CNTN5: variants seen among roughly 807,000 people sequenced by gnomAD.
CNTN5 encodes contactin 5, also known as contactin-5.
A neutral mutation model predicts 129.1 loss-of-function variants in CNTN5; 77 were observed. The observed-to-expected ratio is 0.60, with a 90% CI of 0.50 to 0.72. The LOEUF (loss-of-function observed/expected upper bound fraction) is 0.72, where lower values mean the gene tolerates loss of function less well. Among genes scored for constraint, CNTN5 ranks in the 30% least tolerant of loss-of-function variants. The pLI, the probability that CNTN5 is intolerant of heterozygous loss-of-function variation, is 0.00. For missense variants in CNTN5, 1,478 were observed against 1,328.8 expected (o/e 1.11, Z -1.75); for synonymous variants, 509 against 465.6 (o/e 1.09, Z -1.20).
At chr11:99,224,587 G>C (rs1313965446) in intron 1 of CNTN5, among the ~76,000 whole-genome samples, 6 of 151,786 alleles carry the variant, frequency 4.0e-5, no homozygotes, top group Admixed American at 2.0e-4. Flanking sequence ...CATTGTGCCA[G>C]CTGGTGAGAA....
intron 10 of CNTN5, among the ~76,000 whole-genome samples, chr11:100,067,202 A>C (rs888278498): frequency 6.6e-6 from 1 of 152,038 alleles, no homozygotes; most frequent in African/African-American, 2.4e-5. Context: ...CCTTAATGTT[A>C]ATTAATGTTT....
intron 9 of CNTN5, among the ~76,000 whole-genome samples, chr11:100,016,312 G>GCCCATATCATACAAGTAACATAAC (rs1940821127): frequency 6.6e-6 from 1 of 151,794 alleles, no homozygotes; most frequent in Admixed American, 6.6e-5. Flanking sequence ...AGTAACATAA[G>GCCCATATCATACAAGTAACATAAC]TTTTATCTAT....
chr11:99,368,504 T>A (rs1939605005), intron 2 of CNTN5, among the ~76,000 whole-genome samples: 1 of 151,966 alleles, frequency 6.6e-6, no homozygotes, highest in South Asian at 2.1e-4. Flanking sequence ...ATTGAAAATA[T>A]AAGCTTTATC....
intron 1 of CNTN5, among the ~76,000 whole-genome samples, chr11:99,143,964 A>T (rs1180539519): frequency 1.3e-5 from 2 of 152,216 alleles, no homozygotes. Flanking sequence ...TAGAGATGAC[A>T]TTATAGTGAC....
At chr11:99,792,573 G>GTGTGTGTGTGTGTGTCTGTCTGTC (rs34622017) in intron 3 of CNTN5, among the ~76,000 whole-genome samples, 5 of 116,614 alleles carry the variant, frequency 4.3e-5, no homozygotes, top group Admixed American at 1.8e-4. Flanking sequence ...GTGTGTGTGT[G>GTGTGTGTGTGTGTGTCTGTCTGTC]TGTCTGTCTG....
At chr11:99,918,654 GTA>G (rs1666804732) in intron 7 of CNTN5, among the ~76,000 whole-genome samples, 1 of 151,980 alleles carries the variant, frequency 6.6e-6, no homozygotes, top group Non-Finnish European at 1.5e-5. Context: ...ATATATTATA[GTA>G]TATAGTACAG....
chr11:99,757,413 A>G (rs1488716603), intron 3 of CNTN5, among the ~76,000 whole-genome samples: 1 of 151,806 alleles, frequency 6.6e-6, no homozygotes, highest in South Asian at 2.1e-4. Context: ...TTCTGTCCTT[A>G]TAAGGACCCA....
chr11:99,972,569 CA>C (rs1166944662), intron 8 of CNTN5, among the ~76,000 whole-genome samples: 2 of 151,378 alleles, frequency 1.3e-5, no homozygotes, highest in African/African-American at 4.8e-5. Flanking sequence ...CAGGTCTTCC[CA>C]GAACCACACC....
intron 7 of CNTN5, among the ~76,000 whole-genome samples, chr11:99,942,831 T>C (rs1030037567): frequency 1.3e-5 from 2 of 152,130 alleles, no homozygotes; most frequent in African/African-American, 4.8e-5. Flanking sequence ...TCCAGCTTCA[T>C]CCATGTCCCT....
At chr11:99,179,180 G>C (rs115766109) in intron 1 of CNTN5, among the ~76,000 whole-genome samples, 1 of 152,094 alleles carries the variant, frequency 6.6e-6, no homozygotes, top group Admixed American at 6.5e-5. Context: ...AGTGACTCAC[G>C]CCTGTAATCC....
intron 20 of CNTN5, among the ~76,000 whole-genome samples, chr11:100,304,226 C>G (rs1387356631): frequency 1.3e-5 from 2 of 151,478 alleles, no homozygotes; most frequent in African/African-American, 4.8e-5. Flanking sequence ...AAGGAGTTAG[C>G]CATGGCCTAA....
intron 7 of CNTN5, among the ~76,000 whole-genome samples, chr11:99,930,040 G>A (rs1476156925): frequency 6.6e-6 from 1 of 152,034 alleles, no homozygotes; most frequent in African/African-American, 2.4e-5. Flanking sequence ...TTTTATCCTG[G>A]TCTTTTCCCC....
chr11:99,734,678 C>G (rs1470696619), intron 3 of CNTN5, among the ~76,000 whole-genome samples: 2 of 151,384 alleles, frequency 1.3e-5, no homozygotes, highest in African/African-American at 4.9e-5. Flanking sequence ...AGGGTGTGTC[C>G]CTATTTACAT....
At chr11:99,390,131 C>CTTTTTTT (rs11396242) in intron 2 of CNTN5, among the ~76,000 whole-genome samples, 1 of 149,122 alleles carries the variant, frequency 6.7e-6, no homozygotes, top group African/African-American at 2.5e-5. Flanking sequence ...TAAAATAAGC[C>CTTTTTTT]TTTTTTTTTT....
intron 3 of CNTN5, among the ~76,000 whole-genome samples, chr11:99,817,596 G>GTTTGTTT (rs1946630635): frequency 4.0e-5 from 4 of 99,640 alleles, no homozygotes; most frequent in African/African-American, 1.6e-4. Context: ...GTCTGGGATA[G>GTTTGTTT]TTTTTTTTTT....
chr11:100,275,157 C>T (rs1402272100), intron 18 of CNTN5, among the ~76,000 whole-genome samples: 3 of 151,512 alleles, frequency 2.0e-5, no homozygotes, highest in Admixed American at 6.6e-5. Flanking sequence ...GAAAATCCAA[C>T]TTCTCCACTT....
chr11:99,875,512 G>C (rs1328471669), intron 6 of CNTN5, among the ~76,000 whole-genome samples: 1 of 146,446 alleles, frequency 6.8e-6, no homozygotes, highest in Non-Finnish European at 1.5e-5. Context: ...ATAGCACTAA[G>C]GTATTAAAAA....
intron 18 of CNTN5, among the ~76,000 whole-genome samples, chr11:100,286,287 T>A (rs1221788548): frequency 6.6e-6 from 1 of 152,150 alleles, no homozygotes; most frequent in African/African-American, 2.4e-5. Flanking sequence ...CTCTGTAGGC[T>A]CCACCTCTGG....
chr11:99,990,693 A>G (rs138344567), intron 8 of CNTN5, among the ~76,000 whole-genome samples: 28 of 152,296 alleles, frequency 1.8e-4, no homozygotes, highest in Admixed American at 1.5e-3. Flanking sequence ...TTTTGAGGTG[A>G]GAAAAAACTT....
Sources: gnomAD v4.1 joint callset for allele counts (sites outside exome capture counted in the v4.1 genomes callset) on GRCh38, gnomAD v4.1.1 for gene constraint, MANE v1.5 for transcripts, NCBI Gene and HGNC (gene_info 2026-07-23, HGNC 2026-07-21) for gene names.